COXFA4: variants seen among roughly 807,000 people sequenced by gnomAD.
The protein encoded by COXFA4 is cytochrome c oxidase associated subunit FA4.
At chr7:10,933,373 C>A in the COXFA4 span, 3 of 414,934 alleles carry the variant, frequency 7.2e-6, no homozygotes, top group African/African-American at 6.1e-5. Context: ...TACAGAAATT[C>A]AAGAAATTCT....
chr7:10,937,121 C>T, the COXFA4 span, among the ~76,000 whole-genome samples: 3 of 152,112 alleles, frequency 2.0e-5, no homozygotes, highest in African/African-American at 7.2e-5. Context: ...ACACACTGAT[C>T]GGGGACCCTG....
chr7:10,937,666 A>G, the COXFA4 span, among the ~76,000 whole-genome samples: 8 of 152,124 alleles, frequency 5.3e-5, no homozygotes, highest in Non-Finnish European at 8.8e-5. Flanking sequence ...GAATCAATAA[A>G]TGGTCTCAGT....
At chr7:10,934,587 A>C in the COXFA4 span, among the ~76,000 whole-genome samples, 2 of 152,158 alleles carry the variant, frequency 1.3e-5, no homozygotes, top group African/African-American at 4.8e-5. Context: ...CTCCAAAAGA[A>C]CCACAATTTC....
chr7:10,938,520 C>A, the COXFA4 span: 65 of 426,968 alleles, frequency 1.5e-4, no homozygotes, highest in African/African-American at 1.0e-3. Flanking sequence ...GTGCCGAGAA[C>A]CATGATTATT....
At chr7:10,938,264 T>C in the COXFA4 span, 1 of 885,594 alleles carries the variant, frequency 1.1e-6, no homozygotes, top group Non-Finnish European at 1.8e-6. Context: ...GGTATGGTGT[T>C]ATTTCATTAT....
the COXFA4 span, chr7:10,938,994 A>G: frequency 2.2e-6 from 2 of 924,460 alleles, no homozygotes; most frequent in Non-Finnish European, 3.6e-6. Context: ...TCCAAGTCTC[A>G]AACTGTTATT....
chr7:10,938,253 A>C, the COXFA4 span: 1 of 967,262 alleles, frequency 1.0e-6, no homozygotes, highest in Non-Finnish European at 1.6e-6. Context: ...CTATTAGATG[A>C]GGTATGGTGT....
At chr7:10,936,908 G>A in the COXFA4 span, among the ~76,000 whole-genome samples, 5 of 152,040 alleles carry the variant, frequency 3.3e-5, no homozygotes, top group South Asian at 2.1e-4. Flanking sequence ...GTGGTTGTGC[G>A]TGCCATAGTT....
the COXFA4 span, chr7:10,933,466 G>T: frequency 1.8e-6 from 1 of 566,608 alleles, no homozygotes. Flanking sequence ...TCAAGTTTCA[G>T]TTATTTATTG....
the COXFA4 span, among the ~76,000 whole-genome samples, chr7:10,934,182 T>C: frequency 6.6e-6 from 1 of 152,116 alleles, no homozygotes; most frequent in Non-Finnish European, 1.5e-5. Flanking sequence ...CTTTGTTTTG[T>C]GGTTTACATA....
At chr7:10,938,727 A>C in the COXFA4 span, 1 of 945,448 alleles carries the variant, frequency 1.1e-6, no homozygotes, top group Non-Finnish European at 1.7e-6. Flanking sequence ...CTACTACCCT[A>C]ATGTTATCGC....
chr7:10,940,136 G>A, the COXFA4 span: 16 of 1,408,998 alleles, frequency 1.1e-5, no homozygotes, highest in Middle Eastern at 5.3e-4. Flanking sequence ...TATCTGCAAT[G>A]AGACACTACG....
At chr7:10,938,842 G>C in the COXFA4 span, 6 of 1,613,638 alleles carry the variant, frequency 3.7e-6, no homozygotes, top group African/African-American at 6.7e-5. Flanking sequence ...AGACGCAAGA[G>C]ATACAGTGTT....
the COXFA4 span, chr7:10,938,674 T>G: frequency 9.5e-5 from 64 of 670,700 alleles, no homozygotes; most frequent in East Asian, 2.2e-4. Context: ...ACAGCAGATT[T>G]GAGATCTGAA....
chr7:10,939,068 T>C, the COXFA4 span: 3 of 568,974 alleles, frequency 5.3e-6, no homozygotes, highest in East Asian at 9.2e-5. Flanking sequence ...TTCTTATAAC[T>C]GTGTTCTAAA....
the COXFA4 span, chr7:10,939,890 G>A: frequency 9.5e-7 from 1 of 1,051,858 alleles, no homozygotes; most frequent in Non-Finnish European, 1.5e-6. Context: ...AACACTAGGC[G>A]AGGCAGGGTC....
the COXFA4 span, chr7:10,932,754 G>C: frequency 2.0e-5 from 3 of 152,230 alleles, no homozygotes; most frequent in Admixed American, 1.3e-4. Flanking sequence ...TGGATCGCTT[G>C]AGCTCAAGAG....
chr7:10,935,881 T>C, the COXFA4 span, among the ~76,000 whole-genome samples: 16 of 152,360 alleles, frequency 1.1e-4, no homozygotes, highest in African/African-American at 3.6e-4. Flanking sequence ...GTATGCTGAT[T>C]GCTCCATATT....
At chr7:10,938,696 A>AC in the COXFA4 span, 7 of 784,436 alleles carry the variant, frequency 8.9e-6, no homozygotes, top group Non-Finnish European at 1.6e-5. Context: ...TTATTGTATG[A>AC]CTGTAAATGT....
Sources: allele counts gnomAD v4.1 joint callset (sites outside exome capture counted in the v4.1 genomes callset), GRCh38; gene constraint gnomAD v4.1.1; transcripts MANE v1.5; gene names NCBI Gene and HGNC (gene_info 2026-07-23, HGNC 2026-07-21).